FGFR2: variants seen among roughly 807,000 people sequenced by gnomAD.
FGFR2 encodes BEK fibroblast growth factor receptor.
In FGFR2, 19 loss-of-function variants were observed where a neutral mutation model predicts 95.9. The observed-to-expected ratio is 0.20, with a 90% CI of 0.14 to 0.29. The LOEUF is 0.29. FGFR2 is among the 10% of genes least tolerant of loss of function. FGFR2 has a pLI of 1.00. For missense variants in FGFR2, 707 were observed against 1,056.9 expected (o/e 0.67, Z 4.59); for synonymous variants, 392 against 393.3 (o/e 1.00, Z 0.04).
intron 2 of FGFR2, among the ~76,000 whole-genome samples, chr10:121,572,982 G>A (rs1388001255): frequency 2.0e-5 from 3 of 152,236 alleles, no homozygotes; most frequent in Admixed American, 1.3e-4. Context: ...TGACTTCACT[G>A]CACACATCCA....
rs747449724 is a variant in FGFR2 at position 121,515,138 on chromosome 10, G to C, written c.1266C>G (p.Ile422Met). 1 of 1,614,178 alleles carries C rather than the reference G, an allele frequency of 6.2e-7. No individual in the cohort carries two copies. The highest frequency in any genetic ancestry group is 8.5e-7 in the Non-Finnish European group (1 of 1,180,030). ...QPAVHKLTKR[I>M]PLRRQVTVSA... The stretch of plus-strand genomic sequence containing the variant: ...TTTCTGTTACCTGTCTCCGCAGGGG[G>C]ATACGTTTGGTCAGCTTGTGCACAG... The change falls in exon 9 of 18, where the codon ATC becomes ATG. Residue 422 changes from isoleucine to methionine, a missense_variant. By Grantham distance (10) the Ile-to-Met change is conservative (BLOSUM62 1). Transcript: ENST00000358487.
chr10:121,535,078 T>G (rs979237123), intron 6 of FGFR2, among the ~76,000 whole-genome samples: 2 of 152,168 alleles, frequency 1.3e-5, no homozygotes, highest in Non-Finnish European at 2.9e-5. Context: ...GAAGGAGATT[T>G]TGAGACACAC....
At chr10:121,515,084 G>A (rs532760529) in intron 9 of FGFR2, 33 bp downstream of exon 9, 2 of 1,600,966 alleles carry the variant, frequency 1.2e-6, no homozygotes, top group Non-Finnish European at 1.7e-6. Flanking sequence ...CATGGGGGAG[G>A]AGTAAATTTC....
chr10:121,489,868 C>G (rs1446392653), intron 13 of FGFR2, among the ~76,000 whole-genome samples: 1 of 152,188 alleles, frequency 6.6e-6, no homozygotes, highest in East Asian at 1.9e-4. Flanking sequence ...GCCCGTCTAG[C>G]GGGTCTCTAC....
chr10:121,582,654 A>G (rs1227577176), intron 2 of FGFR2, among the ~76,000 whole-genome samples: 1 of 152,128 alleles, frequency 6.6e-6, no homozygotes, highest in East Asian at 1.9e-4. Context: ...GTGGTGGTGC[A>G]CATCTGTAAT....
chr10:121,506,699 C>T lies in FGFR2; in HGVS notation c.1288-2758G>A, dbSNP rs1021918402. On this transcript the variant is annotated intron_variant, in intron 9 of 17. Transcript: ENST00000358487. ...TGTGGGGAAGGCAGCTGTCCCACAG[C>T]GAGGTGTGAGAACAAGGGCACTTAA... is the stretch of plus-strand genomic sequence containing the variant. Among the ~76,000 whole-genome samples the T allele has an allele frequency of 5.3e-5, 8 of 152,004 alleles. No individual in the cohort carries two copies. In the East Asian group the frequency reaches 5.8e-4, roughly 11 times the overall value.
rs1235415309 is a variant in FGFR2 at position 121,598,287 on chromosome 10, G to C, written c.-476C>G. On this transcript the variant is annotated 5_prime_UTR_variant, in exon 1 of 18. Transcript: ENST00000358487. ...AAGCTGCGGCCTCGGGGCCCCCGGG[G>C]CTCGCGGCCGGCCCCCGCCAGCCCG... The C allele has an allele frequency of 2.7e-6, 1 of 375,522 alleles. No homozygotes were observed. Among genetic ancestry groups the C allele is most frequent in the Non-Finnish European group, 4.7e-6 (1 of 211,210 alleles). 23.3% of individuals were successfully genotyped at this position (375,522 alleles called of 1,614,324 possible). A position where few individuals can be genotyped will look rare whatever the true frequency, so the allele number is the denominator to read the frequency against.
intron 16 of FGFR2, 92 bp from the exon 17 acceptor site, chr10:121,483,895 A>C (rs1845082343): frequency 2.2e-6 from 2 of 901,500 alleles, no homozygotes; most frequent in Non-Finnish European, 3.6e-6. Context: ...ACGTGGTGTA[A>C]ATTAGGAAAA....
In FGFR2 at chr10:121,565,579, A is replaced by G. The variant is rs758671612; in HGVS notation, c.235T>C (p.Leu79=). ...AGCACTGTCCTATTGTTGGGCCCCA[A>G]GTGCACCCCATCCTTAGTCCAACTG... ...VISWTKDGVH[L]GPNNRTVLIG... Residue 79 remains leucine, a synonymous_variant, in exon 3 of 18, where the codon TTG becomes CTG. Coordinates refer to ENST00000358487, the MANE Select transcript of FGFR2 (RefSeq NM_000141.5). 1 of 1,614,154 alleles carries G rather than the reference A, an allele frequency of 6.2e-7. No individual in the cohort carries two copies.
intron 10 of FGFR2, among the ~76,000 whole-genome samples, chr10:121,501,581 C>A (rs1341578209): frequency 6.6e-6 from 1 of 152,182 alleles, no homozygotes; most frequent in Non-Finnish European, 1.5e-5. Context: ...ATTACAAGGT[C>A]TATGCACATC....
intron 5 of FGFR2, among the ~76,000 whole-genome samples, chr10:121,549,995 T>C (rs1401222266): frequency 1.3e-5 from 2 of 152,228 alleles, no homozygotes; most frequent in Admixed American, 6.5e-5. Flanking sequence ...TGCCCACTTA[T>C]GTTCCAAATG....
chr10:121,559,478 C>G (rs1349717986), intron 4 of FGFR2, among the ~76,000 whole-genome samples: 1 of 152,250 alleles, frequency 6.6e-6, no homozygotes, highest in African/African-American at 2.4e-5. Context: ...CCGCCCCAGG[C>G]TGCACCTGTG....
intron 1 of FGFR2, among the ~76,000 whole-genome samples, chr10:121,597,605 G>A (rs1266625559): frequency 6.6e-6 from 1 of 152,266 alleles, no homozygotes; most frequent in Non-Finnish European, 1.5e-5. Flanking sequence ...GGCCTGCGGG[G>A]CTGTGCCACG....
chr10:121,577,363 C>T (rs1024445338), intron 2 of FGFR2, among the ~76,000 whole-genome samples: 1 of 151,286 alleles, frequency 6.6e-6, no homozygotes, highest in Non-Finnish European at 1.5e-5. Flanking sequence ...ATCAGAAAGA[C>T]CTTCCGGCTG....
chr10:121,507,493 C>T (rs1026238886), intron 9 of FGFR2, among the ~76,000 whole-genome samples: 2 of 152,112 alleles, frequency 1.3e-5, no homozygotes, highest in Non-Finnish European at 2.9e-5. Context: ...GAGGCTGAGG[C>T]AGGAGAATTG....
chr10:121,553,964 C>T (rs947630001), intron 4 of FGFR2, among the ~76,000 whole-genome samples: 2 of 152,222 alleles, frequency 1.3e-5, no homozygotes, highest in Admixed American at 6.5e-5. Flanking sequence ...ATGGGCAACC[C>T]GCACCTTTGT....
chr10:121,519,740 C>T (rs746931530), intron 7 of FGFR2, among the ~76,000 whole-genome samples: 7 of 152,226 alleles, frequency 4.6e-5, no homozygotes, highest in Admixed American at 1.3e-4. Context: ...CTGAACTATT[C>T]TCTCTCCAAG....
intron 2 of FGFR2, among the ~76,000 whole-genome samples, chr10:121,592,180 C>T (rs1862755288): frequency 6.6e-6 from 1 of 152,158 alleles, no homozygotes; most frequent in Admixed American, 6.5e-5. Context: ...AAGGGAAAAC[C>T]AGCAATCACG....
In FGFR2 at chr10:121,518,875, C is replaced by A; in HGVS notation, c.939+1104G>T. On this transcript the variant is annotated intron_variant, in intron 7 of 17. Coordinates refer to ENST00000358487, the MANE Select transcript of FGFR2 (RefSeq NM_000141.5). This position sits in a 1 kb window ranked among gnomAD's most constrained non-coding sequence, Gnocchi z 4.0. ...CAATATAACGGCCAACCAGGAAGGT[C>A]TTAGCATTGTCTATGGTCCCACCAC... 2 of 1,612,312 alleles carry A rather than the reference C, an allele frequency of 1.2e-6. No homozygotes were observed. Among genetic ancestry groups the A allele is most frequent in the Non-Finnish European group, 1.7e-6 (2 of 1,178,638 alleles).
Sources: allele counts gnomAD v4.1 joint callset (sites outside exome capture counted in the v4.1 genomes callset), GRCh38; gene constraint gnomAD v4.1.1; non-coding constraint Gnocchi (gnomAD v3.1); transcripts MANE v1.5; gene names NCBI Gene and HGNC (gene_info 2026-07-23, HGNC 2026-07-21).